ARHGEF7: variants seen among roughly 807,000 people sequenced by gnomAD.
The protein encoded by ARHGEF7 is Rho guanine nucleotide exchange factor 7, also known as PAK-interacting exchange factor beta.
In ARHGEF7, 33 loss-of-function variants were observed where a neutral mutation model predicts 109.8. That is an observed-to-expected ratio of 0.30 (90% CI 0.23 to 0.40). The LOEUF is 0.40. ARHGEF7 is among the 10% of genes least tolerant of loss of function. The pLI, the probability that ARHGEF7 is intolerant of heterozygous loss-of-function variation, is 1.00. For synonymous variants in ARHGEF7, 458 were observed against 424.6 expected (o/e 1.08, Z -0.97); for missense variants, 938 against 1,098.5 (o/e 0.85, Z 2.07).
chr13:111,259,172 A>G (rs2090809283), intron 8 of ARHGEF7, among the ~76,000 whole-genome samples: 1 of 152,178 alleles, frequency 6.6e-6, no homozygotes, highest in Non-Finnish European at 1.5e-5. Flanking sequence ...GTCCTGAAGG[A>G]AAGGACACGT....
At chr13:111,142,666 G>A (rs1001238365) in intron 1 of ARHGEF7, among the ~76,000 whole-genome samples, 1 of 152,164 alleles carries the variant, frequency 6.6e-6, no homozygotes, top group Non-Finnish European at 1.5e-5. Context: ...CTCTAGGGCA[G>A]CCCCAACTGC....
At chr13:111,225,137 C>T (rs1178675904) in intron 5 of ARHGEF7, among the ~76,000 whole-genome samples, 5 of 152,120 alleles carry the variant, frequency 3.3e-5, no homozygotes, top group African/African-American at 1.2e-4. Flanking sequence ...CTCCCGTTGT[C>T]GGTGATGATT....
Position 111,280,549 on chromosome 13 carries a change from G to A in ARHGEF7, c.1597G>A (p.Glu533Lys). The A allele has an allele frequency of 6.2e-7, 1 of 1,606,084 alleles. No homozygotes were observed. The highest frequency in any genetic ancestry group is 2.2e-5 in the East Asian group (1 of 44,830). The stretch of plus-strand genomic sequence containing the variant: ...CTTCTCTCCTATAGGGAGCATGATT[G>A]AGCGGATATTAGTGTCGTGCAACAA... The part of the protein sequence containing the change: ...NAFEISGSMI[E>K]RILVSCNNQQ... The change falls in exon 15 of 22, where the codon GAG becomes AAG. Residue 533 changes from glutamate (E) to lysine (K), a missense_variant. By Grantham distance (56) the Glu-to-Lys change is moderately conservative (BLOSUM62 1). Transcript: ENST00000646102.
chr13:111,208,341 C>T (rs185335767), intron 3 of ARHGEF7, among the ~76,000 whole-genome samples: 38 of 152,228 alleles, frequency 2.5e-4, no homozygotes, highest in African/African-American at 8.7e-4. Context: ...CGCCTGGCCT[C>T]GTTTCTTTCT....
intron 19 of ARHGEF7, among the ~76,000 whole-genome samples, chr13:111,299,996 T>C (rs1376489207): frequency 6.6e-6 from 1 of 152,214 alleles, no homozygotes; most frequent in Non-Finnish European, 1.5e-5. Flanking sequence ...AATATTTTCT[T>C]TAAGAAAAGA....
chr13:111,154,022 G>A (rs769038521), intron 2 of ARHGEF7, 31 bp downstream of exon 2: 24 of 1,584,008 alleles, frequency 1.5e-5, no homozygotes, highest in Non-Finnish European at 2.0e-5. Context: ...GCCGAGGGAG[G>A]GGCCGGGAAG....
chr13:111,196,185 T>A (rs1239536950), intron 2 of ARHGEF7, among the ~76,000 whole-genome samples: 1 of 152,194 alleles, frequency 6.6e-6, no homozygotes, highest in African/African-American at 2.4e-5. Flanking sequence ...ATTAATGGGC[T>A]TTTTCCTAAC....
rs951990537 is a variant in ARHGEF7, at chr13:111,293,367, A to G, written c.2311+1073A>G. ...CAGCAACCCCATAGTATAAAACCACAATGCCTCATTGTAATGGGATATTGA... is the reference window on the plus strand; with the variant it reads ...CAGCAACCCCATAGTATAAAACCACGATGCCTCATTGTAATGGGATATTGA... On this transcript the variant is annotated intron_variant, in intron 19 of 21. Coordinates refer to ENST00000646102, the MANE Select transcript of ARHGEF7 (RefSeq NM_001354046.2). 6.1e-6 allele frequency: 6 copies of G among 985,110 alleles called. No individual in the cohort carries two copies. In the East Asian group the frequency reaches 3.4e-4, roughly 56 times the overall value. 61.0% of individuals were successfully genotyped at this position (985,110 alleles called of 1,614,324 possible). A position where few individuals can be genotyped will look rare whatever the true frequency, so the allele number is the denominator to read the frequency against.
At position 111,212,053 on chromosome 13, in the gene ARHGEF7, G is replaced by T. The variant is rs186380264; in HGVS notation, c.468+2051G>T. Reference sequence around the variant, plus strand: ...CTTCATTACCTGCCTCCCTTTCAGTGTAAGAATGTGTCCTCCAGCCACCAC... The same window carrying T: ...CTTCATTACCTGCCTCCCTTTCAGTTTAAGAATGTGTCCTCCAGCCACCAC... On this transcript the variant is annotated intron_variant, in intron 4 of 21. Coordinates refer to ENST00000646102, the MANE Select transcript of ARHGEF7 (RefSeq NM_001354046.2). Among the ~76,000 whole-genome samples, 3 of 152,288 alleles carry T rather than the reference G, an allele frequency of 2.0e-5. No homozygotes were observed. The East Asian group carries it at 5.8e-4, about 29-fold the overall frequency.
At chr13:111,153,713 G>T (rs906801318) in intron 1 of ARHGEF7, 192 bp from the exon 2 acceptor site, 14 of 1,323,640 alleles carry the variant, frequency 1.1e-5, no homozygotes, top group Non-Finnish European at 1.3e-5. Context: ...CCCGGAGGAA[G>T]AAAAAAGGGT....
At chr13:111,227,676 A>T (rs745684729) in intron 5 of ARHGEF7, among the ~76,000 whole-genome samples, 5 of 152,124 alleles carry the variant, frequency 3.3e-5, no homozygotes, top group Non-Finnish European at 7.4e-5. Context: ...CTCCCTGTGT[A>T]CCCCGTTTGA....
intron 5 of ARHGEF7, among the ~76,000 whole-genome samples, chr13:111,221,165 A>G (rs2083819577): frequency 1.1e-5 from 1 of 90,528 alleles, no homozygotes; most frequent in Non-Finnish European, 2.1e-5. Flanking sequence ...ATATGTCTAT[A>G]TATATCTATA....
intron 15 of ARHGEF7, among the ~76,000 whole-genome samples, chr13:111,282,032 A>G (rs1012641610): frequency 1.3e-5 from 2 of 152,260 alleles, no homozygotes; most frequent in African/African-American, 4.8e-5. Context: ...GATGTCTTAC[A>G]TAATTTTATC....
intron 1 of ARHGEF7, among the ~76,000 whole-genome samples, chr13:111,132,972 G>GTACACACATGTATATA (rs2074845151): frequency 6.6e-6 from 1 of 151,872 alleles, no homozygotes; most frequent in African/African-American, 2.4e-5. Flanking sequence ...ACATGCATCT[G>GTACACACATGTATATA]TACACACATG....
In ARHGEF7 at chr13:111,280,224, A is replaced by G. The variant is rs1315365201; in HGVS notation, c.1507-48A>G. The G allele has an allele frequency of 2.6e-6, 4 of 1,543,140 alleles. No individual in the cohort carries two copies. The East Asian group carries it at 6.8e-5, about 26-fold the overall frequency. On this transcript the variant is annotated intron_variant, in intron 13 of 21. Transcript: ENST00000646102. ...GACTTTAATAATGGTACCTTTTTCT[A>G]GAAAAGCACTAATTGTTTTTTTTTT...
At chr13:111,262,707 G>A (rs912959698) in intron 8 of ARHGEF7, among the ~76,000 whole-genome samples, 2 of 152,138 alleles carry the variant, frequency 1.3e-5, no homozygotes, top group African/African-American at 4.8e-5. Context: ...TGTTTTTTCT[G>A]AGACCCAGTA....
chr13:111,206,777 C>G (rs895815411), intron 3 of ARHGEF7, among the ~76,000 whole-genome samples: 5 of 151,522 alleles, frequency 3.3e-5, no homozygotes, highest in Non-Finnish European at 7.4e-5. Context: ...CTGGCTAACA[C>G]GGTGAAACCC....
intron 2 of ARHGEF7, among the ~76,000 whole-genome samples, chr13:111,168,240 C>G (rs911587792): frequency 6.9e-6 from 1 of 145,466 alleles, no homozygotes; most frequent in Non-Finnish European, 1.5e-5. Flanking sequence ...TGCCGCTCTC[C>G]CGCTTGGTCT....
Position 111,153,911 on chromosome 13 carries a change from C to T in ARHGEF7, c.172C>T (p.Pro58Ser). The change falls in exon 2 of 22, where the codon CCC becomes TCC. Residue 58 changes from proline (P) to serine (S), a missense_variant. By Grantham distance (74) the Pro-to-Ser change is moderately conservative. Around this residue, in one of 4 missense-constraint regions of ARHGEF7, gnomAD observed 165 missense variants for 125.8 expected, o/e 1.31. Transcript: ENST00000646102. ...CTTGTGCTCTGTATTGCAGGTCTACCCCGAGCCCCGGAGCGAGAGCGAGTG... is the reference window on the plus strand; with the variant it reads ...CTTGTGCTCTGTATTGCAGGTCTACTCCGAGCCCCGGAGCGAGAGCGAGTG... ...LLPGTIEKVY[P>S]EPRSESECLS... The T allele has an allele frequency of 6.2e-7, 1 of 1,605,146 alleles. No homozygotes were observed. The highest frequency in any genetic ancestry group is 8.5e-7 in the Non-Finnish European group (1 of 1,177,142).
Sources: allele counts gnomAD v4.1 joint callset (sites outside exome capture counted in the v4.1 genomes callset), GRCh38; gene constraint gnomAD v4.1.1; regional missense constraint gnomAD v4.1.1; transcripts MANE v1.5; gene names NCBI Gene and HGNC (gene_info 2026-07-23, HGNC 2026-07-21).